Variants in DLGAP2 observed in about 807,000 individuals in gnomAD.
DLGAP2 encodes disks large-associated protein 2.
A neutral mutation model predicts 100.3 loss-of-function variants in DLGAP2; 26 were observed. That is an observed-to-expected ratio of 0.26 (90% confidence interval 0.19 to 0.36). DLGAP2 has a LOEUF of 0.36. Among genes scored for constraint, DLGAP2 ranks in the 10% least tolerant of loss-of-function variants. DLGAP2 has a pLI of 1.00. For missense variants in DLGAP2, 1,858 were observed against 1,453.2 expected, an observed-to-expected ratio of 1.28 and a Z score of -4.53; for synonymous variants, 886 against 630.1, an observed-to-expected ratio of 1.41 and a Z score of -6.08.
At chr8:922,535 G>C (rs1303979788) in intron 2 of DLGAP2, among the ~76,000 whole-genome samples, 1 of 152,104 alleles carries the variant, frequency 6.6e-6, no homozygotes, top group Non-Finnish European at 1.5e-5. Context: ...TTGTTTGTTG[G>C]GTTTAAAATA....
At chr8:1,044,217 C>G (rs1377351437) in intron 2 of DLGAP2, among the ~76,000 whole-genome samples, 1 of 152,030 alleles carries the variant, frequency 6.6e-6, no homozygotes, top group Admixed American at 6.5e-5. Flanking sequence ...GTCATAAAAC[C>G]CAAAATACGG....
chr8:1,278,534 C>G (rs925560825), intron 3 of DLGAP2, among the ~76,000 whole-genome samples: 8 of 152,124 alleles, frequency 5.3e-5, no homozygotes, highest in Admixed American at 2.6e-4. Context: ...CTGTCAGGAA[C>G]TTGATGAATC....
At position 749,795 on chromosome 8, in the gene DLGAP2, G is replaced by A. The variant is rs573092403; in HGVS notation, c.18+11970G>A. 2.6e-5 allele frequency among the ~76,000 whole-genome samples: 4 copies of A among 152,320 alleles called. No individual in the cohort carries two copies. In the East Asian group the frequency reaches 7.7e-4, roughly 29 times the overall value. On this transcript the variant is annotated intron_variant, in intron 1 of 14. Transcript: ENST00000637795. ...CGAAACGGCAGAGCGCGCTCTTGGT[G>A]CTGGAGGCTGGAAGCCTGGAGCCAA...
chr8:1,039,192 CCGTGGTCAGCTCGGTGTG>C lies in DLGAP2; in HGVS notation c.73+131242_73+131259del, dbSNP rs1406359882. Among the ~76,000 whole-genome samples the C allele has an allele frequency of 8.7e-4, 61 of 70,222 alleles. 2 individuals are homozygous for C. The East Asian group carries it at 0.027, about 32-fold the overall frequency. The allele number at this position is 70,222 out of a possible 152,430, so 46.1% of individuals were successfully genotyped here. On this transcript the variant is annotated intron_variant, in intron 2 of 14. Transcript: ENST00000637795. ...TCGGTGTGCGTGGTCAGCTCGGTTT[CCGTGGTCAGCTCGGTGTG>C]CGTGGTCAGCTCGGTTTCCGTGGTC...
At chr8:1,312,783 A>G (rs958039893) in intron 3 of DLGAP2, among the ~76,000 whole-genome samples, 2 of 152,208 alleles carry the variant, frequency 1.3e-5, no homozygotes, top group Non-Finnish European at 2.9e-5. Context: ...ATGCTCACCA[A>G]TGTGGAAGGA....
intron 3 of DLGAP2, among the ~76,000 whole-genome samples, chr8:1,262,023 G>C (rs899031856): frequency 2.6e-5 from 4 of 152,218 alleles, no homozygotes; most frequent in Non-Finnish European, 5.9e-5. Context: ...GCTGTTAACA[G>C]CCTTCCCTGG....
At chr8:1,298,958 C>T (rs1441616718) in intron 3 of DLGAP2, among the ~76,000 whole-genome samples, 3 of 152,070 alleles carry the variant, frequency 2.0e-5, no homozygotes, top group South Asian at 2.1e-4. Context: ...GCGGCATTCA[C>T]GTCTGTCTCA....
intron 1 of DLGAP2, among the ~76,000 whole-genome samples, chr8:753,204 T>TA (rs1489678837): frequency 1.3e-5 from 2 of 152,168 alleles, no homozygotes; most frequent in East Asian, 3.9e-4. Context: ...CCCCGTCACT[T>TA]ACGCAGAGGA....
At chr8:1,536,211 C>A (rs1328483064) in intron 4 of DLGAP2, among the ~76,000 whole-genome samples, 1 of 152,094 alleles carries the variant, frequency 6.6e-6, no homozygotes, top group Non-Finnish European at 1.5e-5. Context: ...GGAACTTGGG[C>A]ACCTACAAGC....
intron 2 of DLGAP2, among the ~76,000 whole-genome samples, chr8:924,708 G>A (rs1217630143): frequency 6.6e-6 from 1 of 151,870 alleles, no homozygotes; most frequent in Non-Finnish European, 1.5e-5. Context: ...TCAGCCTCCT[G>A]AGTAGCTGGG....
At chr8:986,098 G>A (rs1800479693) in intron 2 of DLGAP2, among the ~76,000 whole-genome samples, 1 of 152,096 alleles carries the variant, frequency 6.6e-6, no homozygotes, top group Non-Finnish European at 1.5e-5. Flanking sequence ...TTATTAGGGG[G>A]GAGTATGGCT....
At chr8:1,436,994 C>G (rs911398016) in intron 3 of DLGAP2, among the ~76,000 whole-genome samples, 3 of 152,224 alleles carry the variant, frequency 2.0e-5, no homozygotes, top group Non-Finnish European at 2.9e-5. Flanking sequence ...GCCGTTCGGC[C>G]CAGGCGTGTA....
intron 2 of DLGAP2, among the ~76,000 whole-genome samples, chr8:983,370 G>T (rs541541997): frequency 1.3e-5 from 2 of 150,568 alleles, no homozygotes; most frequent in Non-Finnish European, 3.0e-5. Flanking sequence ...TAGAATCCAC[G>T]TGTTGGTGGA....
At chr8:836,126 T>G (rs1000858187) in intron 1 of DLGAP2, among the ~76,000 whole-genome samples, 1 of 152,192 alleles carries the variant, frequency 6.6e-6, no homozygotes, top group African/African-American at 2.4e-5. Context: ...TGAACGCTTT[T>G]TCTCTGGTCT....
chr8:760,844 G>T (rs7823659), intron 1 of DLGAP2, among the ~76,000 whole-genome samples: 43,656 of 152,040 alleles, frequency 0.29, 7,761 homozygotes, highest in Non-Finnish European at 0.4. Flanking sequence ...TGTTGCTGGG[G>T]TTTGCTCTTC....
chr8:1,670,103 T>A (rs1325677186), intron 10 of DLGAP2, among the ~76,000 whole-genome samples: 1 of 152,112 alleles, frequency 6.6e-6, no homozygotes, highest in African/African-American at 2.4e-5. Context: ...GCCAGGTGAC[T>A]TCCCATTGCC....
chr8:1,576,171 G>A (rs1007851227), intron 6 of DLGAP2, among the ~76,000 whole-genome samples: 4 of 152,306 alleles, frequency 2.6e-5, no homozygotes, highest in Middle Eastern at 6.8e-3. Flanking sequence ...TAACTGGTGT[G>A]CGATGGTGTC....
rs182744429 is a variant in DLGAP2, at chr8:1,003,320, C to T, written c.73+95354C>T. ...TCACTATCAGGTGGGCATCTGTGCT[C>T]CTAGTTTTCATGGGTGGCCCGACGG... On this transcript the variant is annotated intron_variant, in intron 2 of 14. Transcript: ENST00000637795. 6.8e-4 allele frequency: 103 copies of T among 152,400 alleles called. 2 individuals carry two copies. The highest frequency in any genetic ancestry group is 6.7e-3 in the Admixed American group (102 of 15,304). The allele number at this position is 152,400 out of a possible 1,614,324, so 9.4% of individuals were successfully genotyped here.
chr8:1,654,337 G>C (rs1272643526), intron 8 of DLGAP2, among the ~76,000 whole-genome samples: 4 of 152,146 alleles, frequency 2.6e-5, no homozygotes, highest in Non-Finnish European at 5.9e-5. Flanking sequence ...TTTCAAACAT[G>C]TTTTCATCTA....
Sources: gnomAD v4.1 joint callset for allele counts (sites outside exome capture counted in the v4.1 genomes callset) on GRCh38, gnomAD v4.1.1 for gene constraint, MANE v1.5 for transcripts, NCBI Gene and HGNC (gene_info 2026-07-23, HGNC 2026-07-21) for gene names.